Variants in DNAH5 observed in about 807,000 individuals in gnomAD.
DNAH5 encodes dynein axonemal heavy chain 5.
A neutral mutation model predicts 518.2 loss-of-function variants in DNAH5; 372 were observed. The observed-to-expected ratio is 0.72, with a 90% confidence interval of 0.66 to 0.78. The LOEUF (loss-of-function observed/expected upper bound fraction) is 0.78, where lower values mean the gene tolerates loss of function less well. Ranked by LOEUF, DNAH5 falls within the 30% of genes least tolerant of loss-of-function variation. DNAH5 has a pLI of 0.00. For missense variants in DNAH5, 5,523 were observed against 5,687.0 expected (o/e 0.97, Z 0.93); for synonymous variants, 2,039 against 2,025.9 (o/e 1.01, Z -0.17).
chr5:13,720,028 C>CATA (rs1744831295), intron 71 of DNAH5, among the ~76,000 whole-genome samples: 1 of 150,778 alleles, frequency 6.6e-6, no homozygotes, highest in Non-Finnish European at 1.5e-5. Flanking sequence ...AGATCCAGAT[C>CATA]ATAATCTTGA....
chr5:13,995,111 CA>C (rs1257616143), intron 1 of DNAH5, among the ~76,000 whole-genome samples: 1 of 152,102 alleles, frequency 6.6e-6, no homozygotes, highest in Non-Finnish European at 1.5e-5. Context: ...TGTGCTGAGT[CA>C]GTTTTCGTTT....
intron 45 of DNAH5, among the ~76,000 whole-genome samples, chr5:13,809,515 G>A (rs1001650854): frequency 9.9e-5 from 15 of 152,202 alleles, no homozygotes; most frequent in East Asian, 5.8e-4. Context: ...AGTCACTTTC[G>A]AATGTCTAAT....
At chr5:13,754,506 T>C (rs886845495) in intron 61 of DNAH5, among the ~76,000 whole-genome samples, 168 bp from the exon 62 acceptor site, 1 of 152,076 alleles carries the variant, frequency 6.6e-6, no homozygotes, top group African/African-American at 2.4e-5. Flanking sequence ...AGCCCAGTCC[T>C]CTCTCCTTTG....
At chr5:13,942,822 A>G (rs936101779) in intron 1 of DNAH5, among the ~76,000 whole-genome samples, 5 of 152,220 alleles carry the variant, frequency 3.3e-5, no homozygotes, top group Admixed American at 6.5e-5. Context: ...GTTGAGCCCA[A>G]TCTCTCCCAT....
At chr5:13,862,822 C>T (rs1768658527) in intron 28 of DNAH5, 75 bp from the exon 29 acceptor site, 4 of 824,932 alleles carry the variant, frequency 4.8e-6, no homozygotes, top group Non-Finnish European at 7.3e-6. Flanking sequence ...GTGCAATACC[C>T]CATCTTCACT....
At chr5:13,878,544 G>A (rs920775412) in intron 21 of DNAH5, among the ~76,000 whole-genome samples, 3 of 152,292 alleles carry the variant, frequency 2.0e-5, no homozygotes, top group African/African-American at 7.2e-5. Flanking sequence ...CTTCATGAGT[G>A]TTCCCTCTGG....
chr5:14,003,885 AAG>A (rs1212205514), intron 1 of DNAH5, among the ~76,000 whole-genome samples: 2 of 146,754 alleles, frequency 1.4e-5, no homozygotes, highest in Non-Finnish European at 2.9e-5. Flanking sequence ...AGATTACACA[AAG>A]AGAGAGAGGT....
Position 13,748,826 on chromosome 5 carries a change from C to G in DNAH5, c.11211+2252G>C, listed in dbSNP as rs556216866. ...GATATACAATCATGTCATCTGCAAA[C>G]AGGGACAATTTGACTTCCTCTTTTC... On this transcript the variant is annotated intron_variant, in intron 65 of 78. Coordinates refer to ENST00000265104, the MANE Select transcript of DNAH5 (RefSeq NM_001369.3). 5.3e-5 allele frequency among the ~76,000 whole-genome samples: 8 copies of G among 152,214 alleles called. No homozygotes were observed. The East Asian group carries it at 1.2e-3, about 22-fold the overall frequency.
At chr5:13,826,732 G>C (rs577334788) in intron 38 of DNAH5, among the ~76,000 whole-genome samples, 2 of 152,294 alleles carry the variant, frequency 1.3e-5, no homozygotes, top group African/African-American at 4.8e-5. Flanking sequence ...GAACAGACTA[G>C]TAAATTGGTG....
intron 31 of DNAH5, among the ~76,000 whole-genome samples, chr5:13,849,309 C>T (rs1371329310): frequency 6.6e-6 from 1 of 152,228 alleles, no homozygotes; most frequent in Non-Finnish European, 1.5e-5. Flanking sequence ...AAGTAATATT[C>T]ATGGAGGATT....
intron 41 of DNAH5, among the ~76,000 whole-genome samples, chr5:13,818,286 A>G (rs940234529): frequency 5.3e-5 from 8 of 152,356 alleles, no homozygotes; most frequent in African/African-American, 1.9e-4. Context: ...AGAGTGAACA[A>G]TAAGGTTTAA....
chr5:13,841,861 G>T lies in DNAH5; in HGVS notation c.5315C>A (p.Thr1772Lys). 1 of 1,581,470 alleles carries T rather than the reference G, an allele frequency of 6.3e-7. No individual in the cohort carries two copies. The highest frequency in any genetic ancestry group is 8.6e-7 in the Non-Finnish European group (1 of 1,166,486). The change falls in exon 33 of 79, where the codon ACG (threonine) becomes AAG (lysine). Residue 1772 changes from threonine (T) to lysine (K), a missense_variant. By Grantham distance (78) the Thr-to-Lys change is moderately conservative. This residue lies in a region of DNAH5 where 5,121 missense variants were observed against 5,223.3 expected (regional missense o/e 0.98). Transcript: ENST00000265104. ...CATGACAGGTTTATCCAATTCAATC[G>T]TCTCACCCTCTTGAGAGGAAATTGA... ...ILSISSQEGE[T>K]IELDKPVMAE...
At chr5:13,787,047 C>T (rs1756141882) in intron 51 of DNAH5, among the ~76,000 whole-genome samples, 1 of 151,982 alleles carries the variant, frequency 6.6e-6, no homozygotes. Context: ...TGGTGAAACC[C>T]CATCTCTACT....
chr5:13,769,352 GT>G (rs947894042), intron 57 of DNAH5, 148 bp downstream of exon 57: 50 of 901,508 alleles, frequency 5.5e-5, no homozygotes, highest in Non-Finnish European at 8.4e-5. Flanking sequence ...CACTTACCCA[GT>G]TTTTTATACA....
chr5:13,989,304 T>A (rs1414811394), intron 1 of DNAH5, among the ~76,000 whole-genome samples: 1 of 151,950 alleles, frequency 6.6e-6, no homozygotes, highest in Admixed American at 6.6e-5. Context: ...TGCTATACAA[T>A]GAAATTCTAT....
At chr5:13,742,631 C>A (rs1248654160) in intron 65 of DNAH5, among the ~76,000 whole-genome samples, 6 of 151,932 alleles carry the variant, frequency 3.9e-5, no homozygotes, top group African/African-American at 1.2e-4. Context: ...CTTGATAAAG[C>A]AAAAATAGTA....
intron 22 of DNAH5, among the ~76,000 whole-genome samples, chr5:13,875,292 AC>A (rs2151926858): frequency 6.6e-6 from 1 of 152,104 alleles, no homozygotes; most frequent in South Asian, 2.1e-4. Context: ...ACATGGTAAA[AC>A]CCTGTCTCTA....
Position 13,692,007 on chromosome 5 carries a change from C to A in DNAH5, c.13852G>T (p.Ala4618Ser). 3 of 1,614,120 alleles carry A rather than the reference C, an allele frequency of 1.9e-6. No individual in the cohort carries two copies. The South Asian group carries it at 3.3e-5, about 18-fold the overall frequency. Residue 4618 changes from alanine (A) to serine (S), a missense_variant, in exon 79 of 79, where the codon GCC becomes TCC. By Grantham distance (99) the Ala-to-Ser change is moderately conservative. This residue lies in a region of DNAH5 where 387 missense variants were observed against 430.0 expected (regional missense o/e 0.90). Coordinates refer to ENST00000265104, the MANE Select transcript of DNAH5 (RefSeq NM_001369.3). ...TPEHWVLRGV[A>S]LLCDVK ...TGTTACTTGACATCACACAGAAGGG[C>A]AACCCCACGGAGCACCCAGTGTTCA...
intron 15 of DNAH5, among the ~76,000 whole-genome samples, chr5:13,896,255 A>G (rs912603259): frequency 6.6e-6 from 1 of 152,076 alleles, no homozygotes; most frequent in Non-Finnish European, 1.5e-5. Context: ...AAGGACTTGG[A>G]TAGATGCTTG....
Sources: allele counts gnomAD v4.1 joint callset (sites outside exome capture counted in the v4.1 genomes callset), GRCh38; gene constraint gnomAD v4.1.1; regional missense constraint gnomAD v4.1.1; transcripts MANE v1.5; gene names NCBI Gene and HGNC (gene_info 2026-07-23, HGNC 2026-07-21).